Variants in COL4A5 observed in about 807,000 individuals in gnomAD.
COL4A5 encodes collagen type IV alpha 5 chain, also known as collagen alpha-5(IV) chain.
Under a neutral mutation model 130.2 loss-of-function variants are expected in COL4A5, and 26 were observed. The observed-to-expected ratio is 0.20, with a 90% CI of 0.15 to 0.28. The LOEUF is 0.28. COL4A5 is among the 10% of genes least tolerant of loss of function. The probability of loss-of-function intolerance (pLI) is 1.00; values close to 1 mark genes in which losing one functional copy is unlikely to be tolerated. For synonymous variants in COL4A5, 496 were observed against 439.6 expected (o/e 1.13, Z -1.60); for missense variants, 1,131 against 1,344.3 (o/e 0.84, Z 2.48).
intron 1 of COL4A5, among the ~76,000 whole-genome samples, chrX:108,532,130 A>T (rs2065393448): frequency 8.9e-6 from 1 of 111,818 alleles, no homozygotes; most frequent in South Asian, 3.7e-4. Flanking sequence ...CAAGGATTCA[A>T]CCAAAAAAGA....
At chrX:108,688,560 G>A (rs1361428968) in intron 49 of COL4A5, among the ~76,000 whole-genome samples, 8 of 110,371 alleles carry the variant, frequency 7.2e-5, no homozygotes, top group Non-Finnish European at 1.3e-4. Flanking sequence ...CTCAGCCTCC[G>A]AAGTAGCTGG....
At chrX:108,496,650 G>A (rs1288414206) in intron 1 of COL4A5, among the ~76,000 whole-genome samples, 2 of 111,057 alleles carry the variant, frequency 1.8e-5, no homozygotes, top group African/African-American at 6.5e-5. Flanking sequence ...AAATATAGTT[G>A]TGTGTTTGCG....
At chrX:108,639,066 A>G (rs2067408879) in intron 36 of COL4A5, among the ~76,000 whole-genome samples, 2 of 111,448 alleles carry the variant, frequency 1.8e-5, no homozygotes, top group South Asian at 7.5e-4. Context: ...ATTCACAAGG[A>G]AATCTCAAGG....
intron 36 of COL4A5, among the ~76,000 whole-genome samples, chrX:108,639,598 C>T (rs1020177541): frequency 1.3e-4 from 14 of 111,258 alleles, no homozygotes; most frequent in African/African-American, 4.2e-4. Context: ...GAAAAGGCAA[C>T]TCATGGGATG....
Position 108,696,604 on chromosome X carries a change from G to C in COL4A5, c.*226G>C. The C allele has an allele frequency of 3.8e-6, 1 of 266,125 alleles. No homozygotes were observed. The highest frequency in any genetic ancestry group is 6.6e-6 in the Non-Finnish European group (1 of 150,813). 21.9% of individuals were successfully genotyped at this position (266,125 alleles called of 1,213,427 possible). On this transcript the variant is annotated 3_prime_UTR_variant, in exon 53 of 53. Transcript: ENST00000328300. ...TTTTCTACTAAAGAAATAAGGAAGT[G>C]AATTTACTTTTTGGGTCCAGAATGA...
chrX:108,547,159 C>T (rs751901832), intron 2 of COL4A5, among the ~76,000 whole-genome samples: 15 of 112,364 alleles, frequency 1.3e-4, no homozygotes, highest in African/African-American at 4.5e-4. Flanking sequence ...TGAGGAGCTG[C>T]GTTCCTTTGG....
chrX:108,574,246 G>A (rs1337956190), intron 9 of COL4A5, among the ~76,000 whole-genome samples: 2 of 111,427 alleles, frequency 1.8e-5, no homozygotes, highest in Non-Finnish European at 3.8e-5. Context: ...CTTCCTGGTA[G>A]TTTATCACTA....
At chrX:108,579,802 G>A (rs897006041) in intron 13 of COL4A5, among the ~76,000 whole-genome samples, 2 of 111,600 alleles carry the variant, frequency 1.8e-5, no homozygotes, top group Non-Finnish European at 3.8e-5. Context: ...TATGTATGCC[G>A]TGTGACCCCA....
intron 41 of COL4A5, among the ~76,000 whole-genome samples, chrX:108,669,623 G>A (rs1221568683): frequency 8.9e-6 from 1 of 112,001 alleles, no homozygotes; most frequent in Non-Finnish European, 1.9e-5. Flanking sequence ...ACTGAAGCAA[G>A]TATCTTGCTT....
At chrX:108,645,835 G>T (rs1280676513) in intron 36 of COL4A5, among the ~76,000 whole-genome samples, 1 of 106,979 alleles carries the variant, frequency 9.3e-6, no homozygotes, top group Non-Finnish European at 1.9e-5. Context: ...GCGGTGTTTG[G>T]TTTTTTGTCC....
chrX:108,686,080 T>C lies in COL4A5; in HGVS notation c.4266T>C (p.Phe1422=), dbSNP rs778828659. The change falls in exon 48 of 53, where the codon TTT becomes TTC. Residue 1422 remains phenylalanine (F), a synonymous_variant. Coordinates refer to ENST00000328300, the MANE Select transcript of COL4A5 (RefSeq NM_033380.3). The part of the protein sequence containing the change: ...GDPGRNGLPG[F]DGAGGRKGDP... The stretch of plus-strand genomic sequence containing the variant: ...CTGGACGCAATGGACTCCCTGGCTT[T>C]GATGGTGCAGGAGGGCGCAAAGGAG... The C allele has an allele frequency of 6.6e-6, 8 of 1,209,208 alleles. No homozygotes were observed. The African/African-American group carries it at 8.8e-5, about 13-fold the overall frequency.
chrX:108,638,433 T>G (rs1326932446), intron 36 of COL4A5, among the ~76,000 whole-genome samples: 1 of 111,383 alleles, frequency 9.0e-6, no homozygotes, highest in Non-Finnish European at 1.9e-5. Context: ...ATCTACTTAT[T>G]ATAAAGGTCA....
intron 1 of COL4A5, among the ~76,000 whole-genome samples, chrX:108,505,210 T>C (rs1294645582): frequency 9.2e-6 from 1 of 108,827 alleles, no homozygotes; most frequent in Non-Finnish European, 1.9e-5. Context: ...CAGAGTTGTA[T>C]AATGGACTTT....
intron 43 of COL4A5, chrX:108,676,823 T>C (rs1459452596): frequency 8.9e-6 from 1 of 112,304 alleles, no homozygotes; most frequent in Non-Finnish European, 1.9e-5. Context: ...CTTGAATTTC[T>C]GATTGCCCTA....
rs1317476961 is a variant in COL4A5 at position 108,606,799 on chromosome X, A to G, written c.2302A>G (p.Lys768Glu). Reference protein sequence around the residue: ...PPGPPGLPGFKGALGPKGDRG... With the variant: ...PPGPPGLPGFEGALGPKGDRG... Reference sequence around the variant, plus strand: ...TGGGCCACCAGGACTTCCAGGTTTCAAAGGAGCACTTGGTCCAAAAGGTGA... The same window carrying G: ...TGGGCCACCAGGACTTCCAGGTTTCGAAGGAGCACTTGGTCCAAAAGGTGA... Residue 768 changes from lysine to glutamate, a missense_variant, in exon 29 of 53, where the codon AAA becomes GAA. By Grantham distance (56) the Lys-to-Glu change is moderately conservative (BLOSUM62 1). Transcript: ENST00000328300. The G allele has an allele frequency of 1.7e-6, 2 of 1,211,520 alleles. No individual in the cohort carries two copies. Among genetic ancestry groups the G allele is most frequent in the Non-Finnish European group, 2.2e-6 (2 of 895,186 alleles).
At chrX:108,608,055 A>G (rs768273873) in intron 29 of COL4A5, among the ~76,000 whole-genome samples, 1 of 111,527 alleles carries the variant, frequency 9.0e-6, no homozygotes, top group African/African-American at 3.3e-5. Flanking sequence ...ATTATTTCAG[A>G]TGTGTTCAGG....
chrX:108,618,281 T>G (rs1247933072), intron 30 of COL4A5, among the ~76,000 whole-genome samples: 1 of 111,554 alleles, frequency 9.0e-6, no homozygotes. Flanking sequence ...GTATAATGTC[T>G]GTTATTACTA....
chrX:108,562,112 T>G (rs1402122771), intron 3 of COL4A5, among the ~76,000 whole-genome samples: 1 of 111,641 alleles, frequency 9.0e-6, no homozygotes, highest in African/African-American at 3.3e-5. Flanking sequence ...TTGGCAGCAA[T>G]CTATGCATAC....
chrX:108,683,375 G>C (rs1453489569), intron 47 of COL4A5, among the ~76,000 whole-genome samples: 1 of 111,316 alleles, frequency 9.0e-6, no homozygotes, highest in Non-Finnish European at 1.9e-5. Context: ...GTTTATATGG[G>C]CTCTTTTTTT....
Sources: gnomAD v4.1 joint callset for allele counts (sites outside exome capture counted in the v4.1 genomes callset) on GRCh38, gnomAD v4.1.1 for gene constraint, MANE v1.5 for transcripts, NCBI Gene and HGNC (gene_info 2026-07-23, HGNC 2026-07-21) for gene names.